LAMA4: variants seen among roughly 807,000 people sequenced by gnomAD.
LAMA4 encodes laminin subunit alpha-4.
Under a neutral mutation model 207.1 loss-of-function variants are expected in LAMA4, and 127 were observed. The observed-to-expected ratio is 0.61, with a 90% CI of 0.53 to 0.71. The LOEUF is 0.71. Among genes scored for constraint, LAMA4 ranks in the 30% least tolerant of loss-of-function variants. The pLI, the probability that LAMA4 is intolerant of heterozygous loss-of-function variation, is 0.00. For synonymous variants in LAMA4, 761 were observed against 816.0 expected (o/e 0.93, Z 1.15); for missense variants, 2,093 against 2,246.5 (o/e 0.93, Z 1.38).
chr6:112,139,167 C>A lies in LAMA4; in HGVS notation c.3235G>T (p.Val1079Phe). Residue 1079 changes from valine (V) to phenylalanine (F), a missense_variant, in exon 24 of 39, where the codon GTT becomes TTT. Coordinates refer to ENST00000230538, the MANE Select transcript of LAMA4 (RefSeq NM_001105206.3). ...FGQVTRFDIEVRTPADNGLIL... is the reference protein window; with the variant it reads ...FGQVTRFDIEFRTPADNGLIL... ...AGGCCGTTGTCAGCTGGTGTTCGAA[C>A]TTCTATGTCAAAGCGAGTCACCTGA... 2 of 1,614,122 alleles carry A rather than the reference C, an allele frequency of 1.2e-6. No homozygotes were observed. The highest frequency in any genetic ancestry group is 1.7e-6 in the Non-Finnish European group (2 of 1,179,992).
intron 2 of LAMA4, among the ~76,000 whole-genome samples, chr6:112,242,194 C>G (rs1041097842): frequency 1.7e-4 from 26 of 152,226 alleles, no homozygotes; most frequent in African/African-American, 6.3e-4. Flanking sequence ...CATGTCTTTT[C>G]TCAAAAAATA....
At chr6:112,136,029 C>A in intron 25 of LAMA4, 94 bp downstream of exon 25, 1 of 1,126,710 alleles carries the variant, frequency 8.9e-7, no homozygotes. Context: ...AGTTTATTTA[C>A]CATCCTGCCT....
chr6:112,215,125 T>C (rs1207551107), intron 3 of LAMA4, among the ~76,000 whole-genome samples: 1 of 152,170 alleles, frequency 6.6e-6, no homozygotes, highest in Non-Finnish European at 1.5e-5. Flanking sequence ...GGGATTAAAA[T>C]AACAGGAAAC....
At chr6:112,249,558 G>A (rs1787279043) in intron 2 of LAMA4, among the ~76,000 whole-genome samples, 1 of 150,636 alleles carries the variant, frequency 6.6e-6, no homozygotes, top group Non-Finnish European at 1.5e-5. Context: ...CAGTTGAACT[G>A]CTTTTATAAA....
intron 2 of LAMA4, among the ~76,000 whole-genome samples, chr6:112,220,275 TCCTGCTCTA>T (rs1442234478): frequency 2.0e-5 from 3 of 152,202 alleles, no homozygotes; most frequent in African/African-American, 7.2e-5. Context: ...ACAGCTTGCC[TCCTGCTCTA>T]CCATTAAGAC....
At chr6:112,238,632 A>G (rs1786118643) in intron 2 of LAMA4, among the ~76,000 whole-genome samples, 1 of 151,482 alleles carries the variant, frequency 6.6e-6, no homozygotes, top group Non-Finnish European at 1.5e-5. Flanking sequence ...GCTTGAACCC[A>G]GGAGGCAGAG....
In LAMA4 at chr6:112,142,361, C is replaced by T. The variant is rs1453944453; in HGVS notation, c.2494-69G>A. 7 of 1,435,832 alleles carry T rather than the reference C, an allele frequency of 4.9e-6. No individual in the cohort carries two copies. In the South Asian group the frequency reaches 6.9e-5, roughly 14 times the overall value. The allele number at this position is 1,435,832 out of a possible 1,614,324, so 88.9% of individuals were successfully genotyped here. On this transcript the variant is annotated intron_variant, in intron 19 of 38. Transcript: ENST00000230538. ...GGGCAGAGTGCTTTCCCGTGCTTCC[C>T]TCATTCGTGACAGGGGCCTATAAAC...
At chr6:112,195,933 C>G in intron 5 of LAMA4, among the ~76,000 whole-genome samples, 1 of 125,738 alleles carries the variant, frequency 8.0e-6, no homozygotes, top group East Asian at 2.0e-4. Flanking sequence ...TTTAAATGAA[C>G]TAAGTACACA....
chr6:112,247,649 C>A (rs1554188920), intron 2 of LAMA4, among the ~76,000 whole-genome samples: 1 of 152,160 alleles, frequency 6.6e-6, no homozygotes, highest in East Asian at 1.9e-4. Flanking sequence ...GAGCTAGATT[C>A]ACTCAATTCT....
chr6:112,195,974 A>T (rs937204527), intron 5 of LAMA4, among the ~76,000 whole-genome samples: 2 of 89,916 alleles, frequency 2.2e-5, no homozygotes, highest in African/African-American at 1.7e-4. Flanking sequence ...CACTACACAC[A>T]CTGCTATATA....
intron 38 of LAMA4, among the ~76,000 whole-genome samples, chr6:112,113,117 A>G (rs1310097025): frequency 2.6e-5 from 4 of 152,194 alleles, no homozygotes; most frequent in African/African-American, 9.7e-5. Context: ...ACAATAGGGA[A>G]ATTATAGTTA....
chr6:112,184,724 C>G (rs1299545415), intron 9 of LAMA4, among the ~76,000 whole-genome samples: 1 of 152,130 alleles, frequency 6.6e-6, no homozygotes, highest in African/African-American at 2.4e-5. Context: ...ATACTCAACT[C>G]TTTAAACGGG....
intron 8 of LAMA4, chr6:112,186,633 C>G: frequency 2.7e-6 from 1 of 367,622 alleles, no homozygotes; most frequent in East Asian, 7.3e-5. Context: ...GTATGCACAT[C>G]CTCCAGAATA....
At chr6:112,156,397 T>C (rs544789798) in intron 14 of LAMA4, among the ~76,000 whole-genome samples, 60 of 152,196 alleles carry the variant, frequency 3.9e-4, no homozygotes, top group Non-Finnish European at 7.2e-4. Flanking sequence ...TAGAAATGCT[T>C]GGTATACCAT....
intron 17 of LAMA4, among the ~76,000 whole-genome samples, chr6:112,149,918 C>A (rs1425123096): frequency 6.6e-6 from 1 of 152,166 alleles, no homozygotes; most frequent in Non-Finnish European, 1.5e-5. Flanking sequence ...CGAAGGAAGG[C>A]ACATCTGCTT....
intron 11 of LAMA4, among the ~76,000 whole-genome samples, chr6:112,174,364 G>A (rs138278253): frequency 7.2e-4 from 109 of 152,362 alleles, no homozygotes; most frequent in Non-Finnish European, 9.7e-4. Context: ...AGACATCTGA[G>A]TGAGCTCAAC....
chr6:112,197,520 A>G (rs2114987863), intron 5 of LAMA4, among the ~76,000 whole-genome samples: 1 of 152,330 alleles, frequency 6.6e-6, no homozygotes, highest in African/African-American at 2.4e-5. Flanking sequence ...AAATATTTCA[A>G]ACATGAAGCT....
intron 28 of LAMA4, 62 bp from the exon 29 acceptor site, chr6:112,131,163 T>A: frequency 1.3e-6 from 2 of 1,500,970 alleles, no homozygotes; most frequent in Non-Finnish European, 1.9e-6. Context: ...GGAAATGTTT[T>A]CAACATTTAC....
chr6:112,151,118 C>A lies in LAMA4; in HGVS notation c.2057-491G>T, dbSNP rs149757330. 1.5e-4 allele frequency among the ~76,000 whole-genome samples: 21 copies of A among 137,176 alleles called. No homozygotes were observed. The East Asian group carries it at 3.6e-3, about 23-fold the overall frequency. The allele number at this position is 137,176 out of a possible 152,430, so 90.0% of individuals were successfully genotyped here. ...CAAAATGAACACAAAACATAACCGGCATCCAAGTCAAGAAAATAGAAACTT... is the reference window on the plus strand; with the variant it reads ...CAAAATGAACACAAAACATAACCGGAATCCAAGTCAAGAAAATAGAAACTT... On this transcript the variant is annotated intron_variant, in intron 16 of 38. Transcript: ENST00000230538.
Sources: gnomAD v4.1 joint callset for allele counts (sites outside exome capture counted in the v4.1 genomes callset) on GRCh38, gnomAD v4.1.1 for gene constraint, MANE v1.5 for transcripts, NCBI Gene and HGNC (gene_info 2026-07-23, HGNC 2026-07-21) for gene names.